The following CD55 variants were observed in gnomAD, a reference collection of about 807,000 sequenced individuals.
The protein encoded by CD55 is CD55 molecule (Cromer blood group).
In CD55, 41 loss-of-function variants were observed where a neutral mutation model predicts 45.8. The ratio of observed to expected loss-of-function variants is 0.90; its 90% CI spans 0.70 to 1.16. CD55 has a LOEUF of 1.16. CD55 is among the 50% of genes most tolerant of loss of function. CD55 has a pLI of 0.00. For synonymous variants in CD55, 181 were observed against 181.1 expected, an observed-to-expected ratio of 1.00 and a Z score of 0.01; for missense variants, 416 against 469.8, an observed-to-expected ratio of 0.89 and a Z score of 1.06.
intron 9 of CD55, among the ~76,000 whole-genome samples, chr1:207,348,707 T>A (rs1281031389): frequency 6.6e-6 from 1 of 152,230 alleles, no homozygotes; most frequent in African/African-American, 2.4e-5. Flanking sequence ...TTTTAGGTTT[T>A]AAGTTTAATT....
In CD55 at chr1:207,359,650, G is replaced by A. The variant is rs753867903; in HGVS notation, c.*40G>A. The A allele has an allele frequency of 1.9e-6, 3 of 1,551,372 alleles. No homozygotes were observed. The highest frequency in any genetic ancestry group is 4.5e-5 in the Admixed American group (2 of 44,368). On this transcript the variant is annotated 3_prime_UTR_variant, in exon 10 of 10. Coordinates refer to ENST00000367064, the MANE Select transcript of CD55 (RefSeq NM_000574.5). ...AGAAGAAAATACACACAAGTATACAGACTGTTCCTAGTTTCTTAGACTTAT... is the reference window on the plus strand; with the variant it reads ...AGAAGAAAATACACACAAGTATACAAACTGTTCCTAGTTTCTTAGACTTAT...
intron 9 of CD55, among the ~76,000 whole-genome samples, chr1:207,343,656 A>T (rs1033526540): frequency 1.3e-5 from 2 of 152,018 alleles, no homozygotes; most frequent in African/African-American, 4.8e-5. Context: ...TATTGGGTGA[A>T]CTCTTCTGTT....
chr1:207,347,165 C>T (rs1206401565), intron 9 of CD55: 1 of 456,282 alleles, frequency 2.2e-6, no homozygotes, highest in Non-Finnish European at 4.4e-6. Context: ...AGACCAGAGG[C>T]ATCTAGTCAG....
chr1:207,336,047 G>C (rs1655159170), intron 6 of CD55, among the ~76,000 whole-genome samples: 1 of 152,072 alleles, frequency 6.6e-6, no homozygotes, highest in Non-Finnish European at 1.5e-5. Flanking sequence ...AATGGCAGTT[G>C]GGCTCTGAAG....
intron 9 of CD55, among the ~76,000 whole-genome samples, chr1:207,355,870 C>T (rs1656057580): frequency 6.6e-6 from 1 of 152,116 alleles, no homozygotes; most frequent in South Asian, 2.1e-4. Flanking sequence ...TGGGTTGAAA[C>T]ACTTAAGAAG....
Position 207,337,413 on chromosome 1 carries a change from A to T in CD55, c.1060+4A>T. 1 of 1,536,244 alleles carries T rather than the reference A, an allele frequency of 6.5e-7. No individual in the cohort carries two copies. The highest frequency in any genetic ancestry group is 1.7e-5 in the Admixed American group (1 of 59,844). On this transcript the variant is annotated splice_donor_region_variant and intron_variant, in intron 8 of 9. Transcript: ENST00000367064. ...AAAGGAAGTGGAACCACTTCAGGTC[A>T]GTTGACACTGTTCAGGTTTACTGAG... is the stretch of plus-strand genomic sequence containing the variant.
rs1656240757 is a variant in CD55, at chr1:207,360,134, G to A, written c.*524G>A. On this transcript the variant is annotated 3_prime_UTR_variant, in exon 10 of 10. Transcript: ENST00000367064. ...CTTCGGGTTGGCAAAATATTTTAAA[G>A]GTAAAACATGCTGGTGAACCAGGGG... is the stretch of plus-strand genomic sequence containing the variant. 1 of 152,200 alleles carries A rather than the reference G, an allele frequency of 6.6e-6. No homozygotes were observed. Among genetic ancestry groups the A allele is most frequent in the Non-Finnish European group, 1.5e-5 (1 of 68,072 alleles). 9.4% of individuals were successfully genotyped at this position (152,200 alleles called of 1,614,324 possible).
At chr1:207,338,939 G>A (rs953155160) in intron 8 of CD55, among the ~76,000 whole-genome samples, 3 of 152,038 alleles carry the variant, frequency 2.0e-5, no homozygotes, top group African/African-American at 7.2e-5. Context: ...TTTTTGCAAT[G>A]CCCCATCCGT....
In CD55 at chr1:207,346,681, G is replaced by A. The variant is rs573242020; in HGVS notation, c.1081+7264G>A. ...GCTCCTCTATTGGGGGTGTCAGGTCGCTGCCAGTGGCTCCTGCTTTGGCTT... is the reference window on the plus strand; with the variant it reads ...GCTCCTCTATTGGGGGTGTCAGGTCACTGCCAGTGGCTCCTGCTTTGGCTT... On this transcript the variant is annotated intron_variant, in intron 9 of 9. Coordinates refer to ENST00000367064, the MANE Select transcript of CD55 (RefSeq NM_000574.5). 7.0e-4 allele frequency among the ~76,000 whole-genome samples: 106 copies of A among 152,290 alleles called. 1 individual carries two copies. Among genetic ancestry groups the A allele is most frequent in the African/African-American group, 2.4e-3 (98 of 41,566 alleles).
intron 5 of CD55, among the ~76,000 whole-genome samples, chr1:207,329,413 C>T (rs1398029961): frequency 2.0e-4 from 30 of 152,160 alleles, no homozygotes; most frequent in Admixed American, 1.6e-3. Flanking sequence ...TTACCCAGAG[C>T]GATCTGAAAC....
intron 4 of CD55, 81 bp from the exon 5 acceptor site, chr1:207,326,671 A>T: frequency 1.0e-6 from 1 of 997,112 alleles, no homozygotes; most frequent in Non-Finnish European, 1.6e-6. Context: ...TAAATATTTT[A>T]AGATAATAAC....
chr1:207,326,155 T>C (rs1654671022), intron 4 of CD55, among the ~76,000 whole-genome samples: 1 of 152,196 alleles, frequency 6.6e-6, no homozygotes, highest in African/African-American at 2.4e-5. Context: ...TATTCTAAGT[T>C]CTTTGATAAG....
At chr1:207,335,687 A>G (rs1030073284) in intron 6 of CD55, among the ~76,000 whole-genome samples, 3 of 152,212 alleles carry the variant, frequency 2.0e-5, no homozygotes, top group East Asian at 1.9e-4. Flanking sequence ...GTTTTACTCA[A>G]TTTATCCCTT....
intron 9 of CD55, chr1:207,347,557 G>T: frequency 4.4e-6 from 1 of 229,360 alleles, no homozygotes; most frequent in Non-Finnish European, 9.0e-6. Flanking sequence ...ACCGCACCTG[G>T]CCAGGTAAAC....
chr1:207,345,019 G>T (rs984606703), intron 9 of CD55, among the ~76,000 whole-genome samples: 1 of 152,122 alleles, frequency 6.6e-6, no homozygotes, highest in Non-Finnish European at 1.5e-5. Flanking sequence ...CCGGGCCAGA[G>T]AAGACCTTTT....
At chr1:207,343,395 G>T (rs2102420025) in intron 9 of CD55, among the ~76,000 whole-genome samples, 1 of 152,114 alleles carries the variant, frequency 6.6e-6, no homozygotes, top group Non-Finnish European at 1.5e-5. Context: ...ATTTTTTCAA[G>T]AAATTTTTTG....
chr1:207,331,088 T>C lies in CD55; in HGVS notation c.665-20T>C, dbSNP rs763945847. The C allele has an allele frequency of 4.5e-6, 7 of 1,546,790 alleles. No individual in the cohort carries two copies. The South Asian group carries it at 7.0e-5, about 16-fold the overall frequency. On this transcript the variant is annotated intron_variant, in intron 5 of 9. Coordinates refer to ENST00000367064, the MANE Select transcript of CD55 (RefSeq NM_000574.5). Reference sequence around the variant, plus strand: ...TTACTAGTTTTATTTATTTAAAAGATGTTGGAATTGTTTTTTAAGAAATTT... The same window carrying C: ...TTACTAGTTTTATTTATTTAAAAGACGTTGGAATTGTTTTTTAAGAAATTT...
intron 5 of CD55, among the ~76,000 whole-genome samples, chr1:207,329,685 C>T (rs561288996): frequency 2.0e-5 from 3 of 152,214 alleles, no homozygotes; most frequent in Non-Finnish European, 4.4e-5. Flanking sequence ...GATCACAGCT[C>T]ACTGCAGCCT....
At chr1:207,336,473 A>G (rs1655176391) in intron 6 of CD55, among the ~76,000 whole-genome samples, 2 of 152,170 alleles carry the variant, frequency 1.3e-5, no homozygotes, top group Non-Finnish European at 2.9e-5. Flanking sequence ...CTTTGGTATA[A>G]GTCTTCTTTA....
Sources: allele counts gnomAD v4.1 joint callset (sites outside exome capture counted in the v4.1 genomes callset), GRCh38; gene constraint gnomAD v4.1.1; transcripts MANE v1.5; gene names NCBI Gene and HGNC (gene_info 2026-07-23, HGNC 2026-07-21).